SPTBN4: variants seen among roughly 807,000 people sequenced by gnomAD.
SPTBN4 encodes the protein spectrin beta, non-erythrocytic 4.
In SPTBN4, 96 loss-of-function variants were observed where a neutral mutation model predicts 277.8. The ratio of observed to expected loss-of-function variants is 0.35; its 90% confidence interval spans 0.29 to 0.41. The LOEUF is 0.41. Ranked by LOEUF, SPTBN4 falls within the 10% of genes least tolerant of loss-of-function variation. The pLI, the probability that SPTBN4 is intolerant of heterozygous loss-of-function variation, is 1.00. For synonymous variants in SPTBN4, 1,481 were observed against 1,580.3 expected (o/e 0.94, Z 1.49); for missense variants, 3,006 against 3,595.7 (o/e 0.84, Z 4.19).
rs1043988202 is a variant in SPTBN4 at position 40,570,509 on chromosome 19, C to G, written c.7100C>G (p.Pro2367Arg). ...GGGCTTGAGCTGCCCGAGCGGACAC[C>G]TCGGCCGGACCGGCCCCGGGCGCGG... ...PNGLELPERT[P>R]RPDRPRARDR... is the part of the protein sequence containing the mutation. Residue 2367 changes from proline to arginine, a missense_variant, in exon 33 of 36, where the codon CCT (proline) becomes CGT (arginine). Physicochemically the swap from Pro to Arg is moderately radical, Grantham distance 103 (BLOSUM62 -2). This residue lies in a region of SPTBN4 where 630 missense variants were observed against 677.6 expected (regional missense o/e 0.93). Transcript: ENST00000598249. 9 of 1,525,762 alleles carry G rather than the reference C, an allele frequency of 5.9e-6. No homozygotes were observed. The highest frequency in any genetic ancestry group is 7.9e-6 in the Non-Finnish European group (9 of 1,144,566). The allele number at this position is 1,525,762 out of a possible 1,614,324, so 94.5% of individuals were successfully genotyped here.
intron 7 of SPTBN4, 113 bp downstream of exon 7, chr19:40,497,717 T>C: frequency 1.2e-6 from 1 of 813,610 alleles, no homozygotes. Context: ...CTGAGGCCTC[T>C]CCAAATCCCA....
intron 20 of SPTBN4, among the ~76,000 whole-genome samples, chr19:40,544,127 CTTT>C (rs10618096): frequency 1.6e-3 from 202 of 128,868 alleles, no homozygotes; most frequent in Middle Eastern, 4.4e-3. Context: ...TCTTCTTCCT[CTTT>C]TTTTTTTTTT....
chr19:40,567,611 A>AAAAC, intron 30 of SPTBN4, 52 bp from the exon 31 acceptor site: 3 of 1,190,518 alleles, frequency 2.5e-6, no homozygotes, highest in Non-Finnish European at 3.4e-6. Flanking sequence ...CCTCCCCCTT[A>AAAAC]CCCCGCCCCG....
chr19:40,476,345 CA>C (rs60942038), intron 2 of SPTBN4, among the ~76,000 whole-genome samples: 27,084 of 115,346 alleles, frequency 0.23, 2,731 homozygotes, highest in Middle Eastern at 0.3. Flanking sequence ...AACTCTGTCT[CA>C]AAAAAAAAAA....
chr19:40,537,484 T>C (rs1941811598), intron 20 of SPTBN4, among the ~76,000 whole-genome samples: 1 of 152,240 alleles, frequency 6.6e-6, no homozygotes, highest in South Asian at 2.1e-4. Context: ...TAAAAATAGT[T>C]GTAACCTTGC....
At chr19:40,570,019 TACACACACAGACAC>T (rs1473591757) in intron 32 of SPTBN4, among the ~76,000 whole-genome samples, 1 of 113,336 alleles carries the variant, frequency 8.8e-6, no homozygotes, top group Non-Finnish European at 1.9e-5. Context: ...CAGACACAGA[TACACACACAGACAC>T]ACACACACAG....
At chr19:40,539,389 G>A (rs2080773557) in intron 20 of SPTBN4, among the ~76,000 whole-genome samples, 1 of 152,252 alleles carries the variant, frequency 6.6e-6, no homozygotes, top group African/African-American at 2.4e-5. Context: ...GGGCATGGAT[G>A]CTGGCGCTGG....
At chr19:40,563,606 T>A (rs1266414889) in intron 27 of SPTBN4, among the ~76,000 whole-genome samples, 1 of 99,608 alleles carries the variant, frequency 1.0e-5, no homozygotes, top group Admixed American at 1.4e-4. Context: ...CCAGGCAGTT[T>A]CGAACTTCTG....
chr19:40,540,335 G>A (rs757467966), intron 20 of SPTBN4, among the ~76,000 whole-genome samples: 7 of 152,016 alleles, frequency 4.6e-5, no homozygotes, highest in Admixed American at 6.6e-5. Context: ...TGTGATACAC[G>A]GTTACTTCAT....
intron 4 of SPTBN4, among the ~76,000 whole-genome samples, chr19:40,491,936 C>T (rs948082233): frequency 5.3e-5 from 8 of 151,492 alleles, no homozygotes; most frequent in Admixed American, 2.6e-4. Flanking sequence ...GCAGGAGAAT[C>T]GCTTGAACCT....
chr19:40,503,813 CTGGCTCA>C lies in SPTBN4; in HGVS notation c.1363-16_1363-10del. The C allele has an allele frequency of 3.8e-6, 6 of 1,565,004 alleles. No homozygotes were observed. The highest frequency in any genetic ancestry group is 4.3e-6 in the Non-Finnish European group (5 of 1,151,638). On this transcript the variant is annotated splice_polypyrimidine_tract_variant and intron_variant, in intron 11 of 35. Coordinates refer to ENST00000598249, the MANE Select transcript of SPTBN4 (RefSeq NM_020971.3). ...CTGCTGAGGCAGCATGGGTGAGTGT[CTGGCTCA>C]CTGCCCCAGGACAACTTTGGGTATG...
chr19:40,517,640 G>A (rs1238714497), intron 15 of SPTBN4, among the ~76,000 whole-genome samples: 1 of 152,088 alleles, frequency 6.6e-6, no homozygotes, highest in Non-Finnish European at 1.5e-5. Flanking sequence ...CCAATATCCA[G>A]GGATTTTAAA....
chr19:40,546,763 G>A (rs1329732116), intron 20 of SPTBN4, among the ~76,000 whole-genome samples: 1 of 152,084 alleles, frequency 6.6e-6, no homozygotes, highest in African/African-American at 2.4e-5. Context: ...GATCCCTTGA[G>A]CCCAGGAGTT....
chr19:40,473,151 A>G (rs961096572), intron 2 of SPTBN4, among the ~76,000 whole-genome samples: 1 of 152,090 alleles, frequency 6.6e-6, no homozygotes, highest in Non-Finnish European at 1.5e-5. Context: ...GGCTCAAGCC[A>G]TCCTCCTACC....
chr19:40,553,017 AC>A (rs1297892678), intron 22 of SPTBN4, among the ~76,000 whole-genome samples: 2 of 152,192 alleles, frequency 1.3e-5, no homozygotes, highest in Non-Finnish European at 2.9e-5. Context: ...TAGCTGTGTG[AC>A]CTTAGCAAAT....
Position 40,534,094 on chromosome 19 carries a change from G to T in SPTBN4, c.4110G>T (p.Leu1370=). 2.5e-6 allele frequency: 4 copies of T among 1,603,088 alleles called. No homozygotes were observed. Among genetic ancestry groups the T allele is most frequent in the African/African-American group, 2.7e-5 (2 of 74,846 alleles). The part of the protein sequence containing the change: ...LEKIEREGQQ[L]MQEKPELAAS... ...ACTTGGGGCAGGAGGGCCAGCAACT[G>T]ATGCAGGAGAAGCCCGAACTGGCGG... Residue 1370 remains leucine (L), a synonymous_variant, in exon 20 of 36, where the codon CTG becomes CTT. Transcript: ENST00000598249.
At chr19:40,524,219 G>A (rs2080562869) in intron 17 of SPTBN4, among the ~76,000 whole-genome samples, 1 of 152,002 alleles carries the variant, frequency 6.6e-6, no homozygotes, top group Admixed American at 6.6e-5. Context: ...TTGTTAAAAT[G>A]TTAGGCTGGG....
At chr19:40,548,525 G>A (rs2080881747) in intron 20 of SPTBN4, among the ~76,000 whole-genome samples, 1 of 151,764 alleles carries the variant, frequency 6.6e-6, no homozygotes, top group Admixed American at 6.6e-5. Context: ...AGACCAGCCT[G>A]GCCAATATGG....
At position 40,512,629 on chromosome 19, in the gene SPTBN4, G is replaced by C. The variant is rs2080403114; in HGVS notation, c.1840G>C (p.Val614Leu). ...AGGCTACCAGCCCTGCGACCCGCAGGTCATCTGCAACCGCGTGAACCACGT... is the reference window on the plus strand; with the variant it reads ...AGGCTACCAGCCCTGCGACCCGCAGCTCATCTGCAACCGCGTGAACCACGT... The part of the protein sequence containing the change: ...LQGYQPCDPQ[V>L]ICNRVNHVHG... Residue 614 changes from valine (V) to leucine (L), a missense_variant, in exon 14 of 36, where the codon GTC becomes CTC. Val to Leu is a conservative substitution (Grantham distance 32, BLOSUM62 1). Transcript: ENST00000598249. 6.5e-7 allele frequency: 1 copy of C among 1,540,796 alleles called. No individual in the cohort carries two copies. The highest frequency in any genetic ancestry group is 8.7e-7 in the Non-Finnish European group (1 of 1,151,584).
Sources: allele counts gnomAD v4.1 joint callset (sites outside exome capture counted in the v4.1 genomes callset), GRCh38; gene constraint gnomAD v4.1.1; regional missense constraint gnomAD v4.1.1; transcripts MANE v1.5; gene names NCBI Gene and HGNC (gene_info 2026-07-23, HGNC 2026-07-21).